Variants in POMT1 observed in about 807,000 individuals in gnomAD.
POMT1 encodes protein O-mannosyl-transferase 1.
Under a neutral mutation model 101.6 loss-of-function variants are expected in POMT1, and 85 were observed. That is an observed-to-expected ratio of 0.84 (90% CI 0.70 to 1.00). The LOEUF is 1.00. Ranked by LOEUF, POMT1 falls within the 50% of genes least tolerant of loss-of-function variation. The pLI, the probability that POMT1 is intolerant of heterozygous loss-of-function variation, is 0.00. For synonymous variants in POMT1, 371 were observed against 383.0 expected (o/e 0.97, Z 0.37); for missense variants, 857 against 930.4 (o/e 0.92, Z 1.03).
chr9:131,504,159 A>T, intron 1 of POMT1, 30 bp from the exon 2 acceptor site: 3 of 1,613,306 alleles, frequency 1.9e-6, no homozygotes, highest in Non-Finnish European at 2.5e-6. Flanking sequence ...GTGAGCCCTC[A>T]TGGACCACGG....
Position 131,512,120 on chromosome 9 carries a change from G to A in POMT1, c.1066G>A (p.Val356Ile), listed in dbSNP as rs755085706. 1.2e-6 allele frequency: 2 copies of A among 1,614,094 alleles called. No homozygotes were observed. Among genetic ancestry groups the A allele is most frequent in the East Asian group, 2.2e-5 (1 of 44,866 alleles). ...PFKDVNNWWI[V>I]KDPRRHQLVV... ...CAAAGATGTCAATAACTGGTGGATT[G>A]TAAAGGATCCCAGGAGGTGAGTGCA... is the stretch of plus-strand genomic sequence containing the variant. Residue 356 changes from valine to isoleucine, a missense_variant, in exon 11 of 20, where the codon GTA becomes ATA. Transcript: ENST00000402686.
At position 131,523,486 on chromosome 9, in the gene POMT1, C is replaced by G. The variant is rs529313345; in HGVS notation, c.*380C>G. ...AGGGTGGAGTTTGATCTGGCAGACCCGATCCTCCTTCATGAACACCCAGCA... is the reference window on the plus strand; with the variant it reads ...AGGGTGGAGTTTGATCTGGCAGACCGGATCCTCCTTCATGAACACCCAGCA... On this transcript the variant is annotated 3_prime_UTR_variant, in exon 20 of 20. Coordinates refer to ENST00000402686, the MANE Select transcript of POMT1 (RefSeq NM_001077365.2). The G allele has an allele frequency of 2.5e-5, 8 of 321,608 alleles. No homozygotes were observed. The highest frequency in any genetic ancestry group is 4.9e-5 in the Non-Finnish European group (8 of 164,828). 19.9% of individuals were successfully genotyped at this position (321,608 alleles called of 1,614,324 possible). A position where few individuals can be genotyped will look rare whatever the true frequency, so the allele number is the denominator to read the frequency against.
In POMT1 at chr9:131,515,349, T is replaced by C. The variant is rs548827098; in HGVS notation, c.1176-77T>C. 1,231 of 1,462,274 alleles carry C rather than the reference T, an allele frequency of 8.4e-4. 6 individuals are homozygous for C. Among genetic ancestry groups the C allele is most frequent in the Middle Eastern group, 5.5e-3 (32 of 5,788 alleles). 90.6% of individuals were successfully genotyped at this position (1,462,274 alleles called of 1,614,324 possible). A position where few individuals can be genotyped will look rare whatever the true frequency, so the allele number is the denominator to read the frequency against. ...GCTTTGTTTCTGAAAAGCAACCTTT[T>C]CCTGCCTGAAAGATTTAGTAATTGC... On this transcript the variant is annotated intron_variant, in intron 12 of 19. Coordinates refer to ENST00000402686, the MANE Select transcript of POMT1 (RefSeq NM_001077365.2).
chr9:131,521,564 A>G (rs1257025314), intron 18 of POMT1, 92 bp downstream of exon 18: 1 of 1,447,486 alleles, frequency 6.9e-7, no homozygotes, highest in Non-Finnish European at 9.6e-7. Context: ...TCCTGGGCTT[A>G]AGCGATCCTC....
At chr9:131,518,766 C>G (rs1372313749) in intron 14 of POMT1, 71 bp from the exon 15 acceptor site, 1 of 1,612,218 alleles carries the variant, frequency 6.2e-7, no homozygotes, top group Non-Finnish European at 8.5e-7. Flanking sequence ...AGGGGTTCCC[C>G]TTCCAACCCA....
rs1301493063 is a variant in POMT1 at position 131,522,557 on chromosome 9, C to T, written c.2003+333C>T. 5 of 528,932 alleles carry T rather than the reference C, an allele frequency of 9.5e-6. No individual in the cohort carries two copies. The highest frequency in any genetic ancestry group is 1.9e-5 in the African/African-American group (1 of 52,362). 32.8% of individuals were successfully genotyped at this position (528,932 alleles called of 1,614,324 possible). ...GTCAGAAACGGCAGCTGGTTATGGT[C>T]GGGTTGTGTGGTGTGGTGGAGAGAA... On this transcript the variant is annotated intron_variant, in intron 19 of 19. Coordinates refer to ENST00000402686, the MANE Select transcript of POMT1 (RefSeq NM_001077365.2). This position sits in a 1 kb window ranked among gnomAD's most constrained non-coding sequence, Gnocchi z 5.5.
At chr9:131,517,826 G>T (rs756290972) in intron 13 of POMT1, among the ~76,000 whole-genome samples, 1 of 152,194 alleles carries the variant, frequency 6.6e-6, no homozygotes, top group Non-Finnish European at 1.5e-5. Flanking sequence ...TGAGGTGTGC[G>T]CGCCCGGCCT....
rs74723827 is a variant in POMT1, at chr9:131,507,208, C to T, written c.281-160C>T. 1,166 of 978,706 alleles carry T rather than the reference C, an allele frequency of 1.2e-3. 8 individuals carry two copies. In the African/African-American group the frequency reaches 0.016, roughly 14 times the overall value. 60.6% of individuals were successfully genotyped at this position (978,706 alleles called of 1,614,324 possible). A position where few individuals can be genotyped will look rare whatever the true frequency, so the allele number is the denominator to read the frequency against. Reference sequence around the variant, plus strand: ...TGCAAAGCTAATTTCAAAGCCTTCACCCATAGTTTATGCACTCTGCTGCTG... The same window carrying T: ...TGCAAAGCTAATTTCAAAGCCTTCATCCATAGTTTATGCACTCTGCTGCTG... On this transcript the variant is annotated intron_variant, in intron 4 of 19. Transcript: ENST00000402686.
At chr9:131,510,222 A>G (rs1244494572) in intron 8 of POMT1, 38 bp from the exon 9 acceptor site, 3 of 1,614,046 alleles carry the variant, frequency 1.9e-6, no homozygotes, top group Non-Finnish European at 2.5e-6. Context: ...ACGCTTTTCC[A>G]CGCAGTGGAA....
chr9:131,523,242 A>G lies in POMT1; in HGVS notation c.*136A>G. The G allele has an allele frequency of 9.5e-7, 1 of 1,056,818 alleles. No individual in the cohort carries two copies. The highest frequency in any genetic ancestry group is 1.4e-6 in the Non-Finnish European group (1 of 716,724). 65.5% of individuals were successfully genotyped at this position (1,056,818 alleles called of 1,614,324 possible). On this transcript the variant is annotated 3_prime_UTR_variant, in exon 20 of 20. Transcript: ENST00000402686. The stretch of plus-strand genomic sequence containing the variant: ...GGCTGAGCAGGGCCTCTAGTGGAAC[A>G]CATGGGGGTCTCATTGAAAAGCTCT...
chr9:131,522,573 G>C lies in POMT1; in HGVS notation c.2003+349G>C. 1 of 526,464 alleles carries C rather than the reference G, an allele frequency of 1.9e-6. No homozygotes were observed. The highest frequency in any genetic ancestry group is 3.4e-5 in the East Asian group (1 of 29,030). The allele number at this position is 526,464 out of a possible 1,614,324, so 32.6% of individuals were successfully genotyped here. A position where few individuals can be genotyped will look rare whatever the true frequency, so the allele number is the denominator to read the frequency against. On this transcript the variant is annotated intron_variant, in intron 19 of 19. Transcript: ENST00000402686. This position sits in a 1 kb window ranked among gnomAD's most constrained non-coding sequence, Gnocchi z 5.5. ...GGTTATGGTCGGGTTGTGTGGTGTG[G>C]TGGAGAGAACCCAAGAAAGCTTCTA...
In POMT1 at chr9:131,520,693, C is replaced by G. The variant is rs76330816; in HGVS notation, c.1698+500C>G. Among the ~76,000 whole-genome samples, 577 of 152,370 alleles carry G rather than the reference C, an allele frequency of 3.8e-3. 2 individuals are homozygous for G. Among genetic ancestry groups the G allele is most frequent in the African/African-American group, 0.013 (561 of 41,586 alleles). ...AGCATGTGCACTGAAGGCAGAGGCT[C>G]AGGCCCAGAGGCCGCCCCACCCCGA... On this transcript the variant is annotated intron_variant, in intron 17 of 19. Transcript: ENST00000402686.
chr9:131,511,308 C>G, intron 9 of POMT1, 29 bp from the exon 10 acceptor site: 1 of 1,592,920 alleles, frequency 6.3e-7, no homozygotes, highest in Non-Finnish European at 8.6e-7. Context: ...TTCTGTCTCT[C>G]ACTCATCAAC....
intron 10 of POMT1, 200 bp from the exon 11 acceptor site, chr9:131,511,841 A>T: frequency 1.6e-6 from 1 of 632,212 alleles, no homozygotes; most frequent in Non-Finnish European, 2.8e-6. Flanking sequence ...GGCCCGATCG[A>T]TGACCCACTT....
At chr9:131,506,382 C>T (rs756240524) in intron 3 of POMT1, 21 bp from the exon 4 acceptor site, 5 of 1,608,614 alleles carry the variant, frequency 3.1e-6, no homozygotes, top group Non-Finnish European at 8.5e-7. Flanking sequence ...GGGATAGTTA[C>T]TGATTAATCT....
intron 17 of POMT1, among the ~76,000 whole-genome samples, chr9:131,520,467 T>C (rs906850703): frequency 2.6e-5 from 4 of 152,228 alleles, no homozygotes; most frequent in African/African-American, 9.6e-5. Flanking sequence ...TTTTAAGATA[T>C]TCCCATTCAA....
chr9:131,506,160 C>G lies in POMT1; in HGVS notation c.169C>G (p.Gln57Glu). 3 of 1,613,816 alleles carry G rather than the reference C, an allele frequency of 1.9e-6. No individual in the cohort carries two copies. Among genetic ancestry groups the G allele is most frequent in the Non-Finnish European group, 2.5e-6 (3 of 1,179,944 alleles). The change falls in exon 3 of 20, where the codon CAA (glutamine) becomes GAA (glutamate). Residue 57 changes from glutamine to glutamate, a missense_variant. By Grantham distance (29) the Gln-to-Glu change is conservative (BLOSUM62 2). Coordinates refer to ENST00000402686, the MANE Select transcript of POMT1 (RefSeq NM_001077365.2). The stretch of plus-strand genomic sequence containing the variant: ...GCAGTACATCTCTTTTTACATGAAA[C>G]AAATCTTCTTCTTGGATGACAGTGG... ...YGQYISFYMK[Q>E]IFFLDDSGPP... is the part of the protein sequence containing the mutation.
chr9:131,518,747 G>T, intron 14 of POMT1, 90 bp from the exon 15 acceptor site: 2 of 1,603,074 alleles, frequency 1.2e-6, no homozygotes, highest in South Asian at 2.2e-5. Flanking sequence ...CTGACAGCGT[G>T]ACCCGGGCAG....
In POMT1 at chr9:131,522,031, G is replaced by C. The variant is rs781195768; in HGVS notation, c.1826-16G>C. ...GGGAGCAGCAGAGTCGGTGTAGCTC[G>C]AGCCCTTTCCTATAGATGCCTGGCT... On this transcript the variant is annotated splice_polypyrimidine_tract_variant and intron_variant, in intron 18 of 19. Transcript: ENST00000402686. The surrounding 1 kb of genome is among the most constrained non-coding windows in gnomAD (Gnocchi z 5.5). 1.9e-6 allele frequency: 3 copies of C among 1,613,024 alleles called. No homozygotes were observed. The highest frequency in any genetic ancestry group is 2.5e-6 in the Non-Finnish European group (3 of 1,179,734).
Sources: gnomAD v4.1 joint callset for allele counts (sites outside exome capture counted in the v4.1 genomes callset) on GRCh38, gnomAD v4.1.1 for gene constraint, Gnocchi (gnomAD v3.1) non-coding constraint, MANE v1.5 for transcripts, NCBI Gene and HGNC (gene_info 2026-07-23, HGNC 2026-07-21) for gene names.